THSD4: variants seen among roughly 807,000 people sequenced by gnomAD.
THSD4 encodes the protein thrombospondin type-1 domain-containing protein 4.
Under a neutral mutation model 119.0 loss-of-function variants are expected in THSD4, and 69 were observed. The observed-to-expected ratio is 0.58, with a 90% CI of 0.48 to 0.71. THSD4 has a LOEUF of 0.71. Ranked by LOEUF, THSD4 falls within the 30% of genes least tolerant of loss-of-function variation. THSD4 has a pLI of 0.00. For missense variants in THSD4, 1,393 were observed against 1,391.1 expected (o/e 1.00, Z -0.02); for synonymous variants, 524 against 540.4 (o/e 0.97, Z 0.42).
chr15:71,108,112 G>T (rs533554869), intron 1 of THSD4, among the ~76,000 whole-genome samples: 1 of 152,222 alleles, frequency 6.6e-6, no homozygotes, highest in Admixed American at 6.5e-5. Flanking sequence ...TACAAGGATA[G>T]GTGCAGCTCT....
chr15:71,657,844 G>A (rs533628476), intron 7 of THSD4, among the ~76,000 whole-genome samples: 1 of 152,270 alleles, frequency 6.6e-6, no homozygotes, highest in Non-Finnish European at 1.5e-5. Context: ...CCATCAAACT[G>A]TGCAGAGCAT....
At chr15:71,140,629 C>G (rs1285940443) in intron 1 of THSD4, among the ~76,000 whole-genome samples, 1 of 152,208 alleles carries the variant, frequency 6.6e-6, no homozygotes, top group African/African-American at 2.4e-5. Context: ...CTAAGCATGT[C>G]ACATGCGTTC....
At chr15:71,230,508 G>A (rs989561436) in intron 4 of THSD4, among the ~76,000 whole-genome samples, 1 of 152,358 alleles carries the variant, frequency 6.6e-6, no homozygotes, top group African/African-American at 2.4e-5. Flanking sequence ...CCCTGTGCTA[G>A]GCGCTTTCCC....
chr15:71,247,807 G>T (rs919750529), intron 5 of THSD4, among the ~76,000 whole-genome samples: 6 of 152,212 alleles, frequency 3.9e-5, no homozygotes, highest in Admixed American at 1.3e-4. Context: ...AAAGTAATAG[G>T]AACTCAAGGA....
intron 7 of THSD4, among the ~76,000 whole-genome samples, chr15:71,426,375 G>GTC (rs2046867560): frequency 8.2e-6 from 1 of 121,852 alleles, no homozygotes; most frequent in Non-Finnish European, 1.8e-5. Context: ...CTGTGTGTGT[G>GTC]TGTGTGTGTG....
intron 3 of THSD4, among the ~76,000 whole-genome samples, chr15:71,214,519 C>T (rs1276197653): frequency 6.6e-6 from 1 of 152,230 alleles, no homozygotes. Context: ...TGAAGGTCCG[C>T]AGCTTCATTC....
intron 6 of THSD4, among the ~76,000 whole-genome samples, chr15:71,344,524 AT>A (rs2045629319): frequency 6.6e-6 from 1 of 152,120 alleles, no homozygotes; most frequent in African/African-American, 2.4e-5. Context: ...GGGAGCATAC[AT>A]GCAGGGGGCT....
chr15:71,359,073 C>T (rs763890848), intron 6 of THSD4, among the ~76,000 whole-genome samples: 8 of 152,208 alleles, frequency 5.3e-5, no homozygotes, highest in Non-Finnish European at 7.3e-5. Flanking sequence ...TACAAGTTAA[C>T]GTAATCCTCA....
chr15:71,290,875 C>CTTTTTT (rs11438956), intron 6 of THSD4, among the ~76,000 whole-genome samples: 1 of 129,476 alleles, frequency 7.7e-6, no homozygotes, highest in African/African-American at 2.9e-5. Flanking sequence ...TCCTTTTTTC[C>CTTTTTT]TTTTTTTTTT....
chr15:71,350,893 C>T (rs1415257075), intron 6 of THSD4, among the ~76,000 whole-genome samples: 1 of 152,200 alleles, frequency 6.6e-6, no homozygotes. Flanking sequence ...TCCTAAGAAA[C>T]CCCACTGGCG....
chr15:71,177,849 A>T (rs1329786171), intron 3 of THSD4, among the ~76,000 whole-genome samples: 5 of 151,470 alleles, frequency 3.3e-5, no homozygotes, highest in South Asian at 2.1e-4. Flanking sequence ...GCAAATCAAT[A>T]AACATAATCC....
chr15:71,381,739 T>C (rs7181187), intron 6 of THSD4, among the ~76,000 whole-genome samples: 74,272 of 152,010 alleles, frequency 0.49, 19,070 homozygotes, highest in East Asian at 0.69. Context: ...TTAACATAAC[T>C]GAAATTATGA....
intron 7 of THSD4, among the ~76,000 whole-genome samples, chr15:71,567,761 GAGAA>G (rs748459124): frequency 4.9e-4 from 67 of 136,332 alleles, no homozygotes; most frequent in South Asian, 4.5e-3. Flanking sequence ...CAGCTGGAGA[GAGAA>G]AGAGAGAGAG....
At chr15:71,594,173 TCCTTTCACTCCAGTCTGTTC>T in intron 7 of THSD4, among the ~76,000 whole-genome samples, 1 of 151,350 alleles carries the variant, frequency 6.6e-6, no homozygotes, top group Non-Finnish European at 1.5e-5. Flanking sequence ...GACTCTTATT[TCCTTTCACTCCAGTCTGTTC>T]CCAAGCCTGG....
At position 71,384,064 on chromosome 15, in the gene THSD4, C is replaced by G. The variant is rs997988930; in HGVS notation, c.1016-27623C>G. On this transcript the variant is annotated intron_variant, in intron 6 of 17. Transcript: ENST00000261862. ...CTAAAATTACTAATTCAGGGCAGAG[C>G]TCATTAACAAATAGGGCAAAGAAAC... Among the ~76,000 whole-genome samples the G allele has an allele frequency of 2.0e-5, 3 of 152,150 alleles. 1 individual carries two copies. In the South Asian group the frequency reaches 6.2e-4, roughly 32 times the overall value.
intron 6 of THSD4, among the ~76,000 whole-genome samples, chr15:71,379,450 C>CTTTTTTTTTTTTT (rs34326932): frequency 1.3e-5 from 1 of 77,562 alleles, no homozygotes; most frequent in Non-Finnish European, 2.4e-5. Context: ...CAAATGGCTT[C>CTTTTTTTTTTTTT]TTTTTTTTTT....
At chr15:71,738,040 CA>C in intron 11 of THSD4, 33 bp downstream of exon 11, 2 of 1,609,252 alleles carry the variant, frequency 1.2e-6, no homozygotes, top group Non-Finnish European at 1.7e-6. Context: ...TGGATCCCTG[CA>C]GAACCCTAAG....
chr15:71,493,501 A>G (rs2047957139), intron 7 of THSD4, among the ~76,000 whole-genome samples: 1 of 152,174 alleles, frequency 6.6e-6, no homozygotes, highest in South Asian at 2.1e-4. Flanking sequence ...CCCATTTGAT[A>G]GCTGAATAAA....
intron 8 of THSD4, among the ~76,000 whole-genome samples, chr15:71,677,018 A>G (rs1318908109): frequency 1.3e-5 from 2 of 152,224 alleles, no homozygotes; most frequent in Non-Finnish European, 2.9e-5. Context: ...CTTTTTGAGA[A>G]ACTGCCAAAC....
Sources: allele counts gnomAD v4.1 joint callset (sites outside exome capture counted in the v4.1 genomes callset), GRCh38; gene constraint gnomAD v4.1.1; transcripts MANE v1.5; gene names NCBI Gene and HGNC (gene_info 2026-07-23, HGNC 2026-07-21).